MICU1: variants seen among roughly 807,000 people sequenced by gnomAD.
MICU1 encodes the protein calcium uptake protein 1, mitochondrial.
A neutral mutation model predicts 56.8 loss-of-function variants in MICU1; 45 were observed. The ratio of observed to expected loss-of-function variants is 0.79; its 90% CI spans 0.62 to 1.02. The LOEUF is 1.02. MICU1 is among the 50% of genes least tolerant of loss of function. The probability of loss-of-function intolerance (pLI) is 0.00; values close to 1 mark genes in which losing one functional copy is unlikely to be tolerated. For missense variants in MICU1, 504 were observed against 587.1 expected (o/e 0.86, Z 1.46); for synonymous variants, 186 against 195.1 (o/e 0.95, Z 0.39).
intron 6 of MICU1, among the ~76,000 whole-genome samples, chr10:72,500,306 T>A (rs1457622258): frequency 0.019 from 203 of 10,840 alleles, no homozygotes; most frequent in Non-Finnish European, 0.026. Flanking sequence ...ATATATATTT[T>A]TTTTTTTTTT....
chr10:72,474,954 T>C (rs1458184491), intron 8 of MICU1, 146 bp downstream of exon 8: 5 of 652,796 alleles, frequency 7.7e-6, no homozygotes, highest in African/African-American at 1.8e-5. Flanking sequence ...TTGTTTCCTA[T>C]CTGCTGTCAG....
intron 4 of MICU1, among the ~76,000 whole-genome samples, chr10:72,548,492 T>C (rs1839950888): frequency 6.6e-6 from 1 of 152,236 alleles, no homozygotes; most frequent in Non-Finnish European, 1.5e-5. Flanking sequence ...TAGAGACACA[T>C]GCAAAAGTAT....
At chr10:72,377,261 T>A (rs575064116) in intron 10 of MICU1, among the ~76,000 whole-genome samples, 2 of 152,142 alleles carry the variant, frequency 1.3e-5, no homozygotes, top group African/African-American at 4.8e-5. Context: ...CTGGGACTAC[T>A]GGTGCCTGCC....
chr10:72,408,083 A>T lies in MICU1; in HGVS notation c.1072-46T>A, dbSNP rs377705241. ...AGGTAAGGCAGGACCTGTAACAAAA[A>T]GCAGCACGATATGCATAGGCAGTGA... On this transcript the variant is annotated intron_variant, in intron 9 of 11. Transcript: ENST00000361114. 1.4e-4 allele frequency: 179 copies of T among 1,281,472 alleles called. 1 individual carries two copies. The highest frequency in any genetic ancestry group is 1.9e-4 in the Non-Finnish European group (173 of 888,676). The allele number at this position is 1,281,472 out of a possible 1,614,324, so 79.4% of individuals were successfully genotyped here.
chr10:72,598,581 T>C (rs1394734911), intron 1 of MICU1, among the ~76,000 whole-genome samples: 5 of 151,978 alleles, frequency 3.3e-5, no homozygotes, highest in Admixed American at 3.3e-4. Context: ...AAGCTGTCTC[T>C]GCTAACCCCT....
chr10:72,474,234 C>A (rs1176568231), intron 8 of MICU1, among the ~76,000 whole-genome samples: 4 of 123,768 alleles, frequency 3.2e-5, no homozygotes, highest in African/African-American at 1.2e-4. Flanking sequence ...GCACTCCACC[C>A]TGGCTGATGG....
At chr10:72,463,752 C>A (rs1865706427) in intron 8 of MICU1, among the ~76,000 whole-genome samples, 1 of 152,058 alleles carries the variant, frequency 6.6e-6, no homozygotes, top group African/African-American at 2.4e-5. Flanking sequence ...ATTTAGTATA[C>A]CCTAAGTGTA....
At chr10:72,403,406 A>G (rs1863523074) in intron 10 of MICU1, among the ~76,000 whole-genome samples, 1 of 152,092 alleles carries the variant, frequency 6.6e-6, no homozygotes. Context: ...TTGTAGAGAC[A>G]AGGTCTTGCT....
At chr10:72,398,478 C>T (rs1863340805) in intron 10 of MICU1, among the ~76,000 whole-genome samples, 1 of 150,984 alleles carries the variant, frequency 6.6e-6, no homozygotes, top group Non-Finnish European at 1.5e-5. Context: ...CAAAAAAAAC[C>T]CTTCAAAAGA....
chr10:72,625,516 T>C (rs534379194), intron 1 of MICU1, among the ~76,000 whole-genome samples: 1 of 152,168 alleles, frequency 6.6e-6, no homozygotes, highest in Non-Finnish European at 1.5e-5. Flanking sequence ...AACTGAACAG[T>C]CCGAGTAGCC....
chr10:72,510,322 T>C (rs1478803165), intron 5 of MICU1, among the ~76,000 whole-genome samples: 1 of 152,228 alleles, frequency 6.6e-6, no homozygotes, highest in Non-Finnish European at 1.5e-5. Flanking sequence ...TACTATTATA[T>C]ATTTTTTACC....
intron 7 of MICU1, chr10:72,475,839 G>T (rs1367200162): frequency 2.2e-6 from 1 of 456,526 alleles, no homozygotes; most frequent in Non-Finnish European, 4.4e-6. Flanking sequence ...GCAGAATTAG[G>T]GTTCTAACAC....
At chr10:72,622,818 G>A (rs924762955) in intron 1 of MICU1, among the ~76,000 whole-genome samples, 2 of 152,004 alleles carry the variant, frequency 1.3e-5, no homozygotes, top group Admixed American at 6.6e-5. Context: ...AATATTGCCC[G>A]TGTTTTCTTC....
intron 6 of MICU1, among the ~76,000 whole-genome samples, chr10:72,494,491 A>G (rs1193733424): frequency 6.6e-6 from 1 of 152,148 alleles, no homozygotes; most frequent in Non-Finnish European, 1.5e-5. Context: ...GTGTTTGAAA[A>G]TCCTAAGACA....
At chr10:72,577,897 GA>G in intron 1 of MICU1, among the ~76,000 whole-genome samples, 1 of 152,280 alleles carries the variant, frequency 6.6e-6, no homozygotes, top group East Asian at 1.9e-4. Context: ...TACTCCCAGT[GA>G]AGATGCTGTG....
At chr10:72,600,304 A>T (rs1190650683) in intron 1 of MICU1, among the ~76,000 whole-genome samples, 1 of 150,108 alleles carries the variant, frequency 6.7e-6, no homozygotes, top group Non-Finnish European at 1.5e-5. Context: ...AAAAAAAAAA[A>T]AAAAAGATCT....
At chr10:72,409,440 A>C (rs1473440283) in intron 9 of MICU1, among the ~76,000 whole-genome samples, 2 of 152,246 alleles carry the variant, frequency 1.3e-5, no homozygotes, top group African/African-American at 4.8e-5. Context: ...CATGCCTGTA[A>C]TCCCAGCACT....
intron 4 of MICU1, among the ~76,000 whole-genome samples, chr10:72,536,954 G>A (rs1839653112): frequency 1.3e-5 from 2 of 152,066 alleles, no homozygotes; most frequent in African/African-American, 4.8e-5. Flanking sequence ...AACTCAAAAT[G>A]TAACTTAAAA....
rs747177236 is a variant in MICU1 at position 72,533,771 on chromosome 10, T to TGG, written c.511_512insCC (p.Tyr171SerfsTer3). ...CTTTCCATCAAAGCGTTTTATTATA[T>TGG]ATTGATCCAGACCCAAGTCTGTAAA... is the stretch of plus-strand genomic sequence containing the variant. On this transcript the variant is annotated frameshift_variant, in exon 5 of 12. Transcript: ENST00000361114. LOFTEE classifies it high-confidence loss of function. 1.2e-6 allele frequency: 2 copies of TGG among 1,601,620 alleles called. No individual in the cohort carries two copies.
Sources: gnomAD v4.1 joint callset for allele counts (sites outside exome capture counted in the v4.1 genomes callset) on GRCh38, gnomAD v4.1.1 for gene constraint, MANE v1.5 for transcripts, NCBI Gene and HGNC (gene_info 2026-07-23, HGNC 2026-07-21) for gene names.